Variants in RNH1 observed in about 807,000 individuals in gnomAD.
RNH1 encodes ribonuclease inhibitor.
RNH1 carries 38 observed loss-of-function variants against 46.1 expected under a neutral mutation model. The ratio of observed to expected loss-of-function variants is 0.82; its 90% CI spans 0.64 to 1.08. The LOEUF (loss-of-function observed/expected upper bound fraction) is 1.08. Ranked by LOEUF, RNH1 falls within the 50% of genes least tolerant of loss-of-function variation. The pLI is 0.00. For missense variants in RNH1, 577 were observed against 590.7 expected (o/e 0.98, Z 0.24); for synonymous variants, 319 against 279.1 (o/e 1.14, Z -1.43).
Position 494,623 on chromosome 11 carries a change from C to T in RNH1, c.*68G>A. ...TAGGATATGCAGGGTGAGAGCATGG[C>T]AGGGGCTGGTGGGCCCCAGGGTTGC... On this transcript the variant is annotated 3_prime_UTR_variant, in exon 11 of 11. Coordinates refer to ENST00000354420, the MANE Select transcript of RNH1 (RefSeq NM_203387.3). 7.3e-7 allele frequency: 1 copy of T among 1,364,080 alleles called. No individual in the cohort carries two copies. Among genetic ancestry groups the T allele is most frequent in the Non-Finnish European group, 1.0e-6 (1 of 958,634 alleles). The allele number at this position is 1,364,080 out of a possible 1,614,324, so 84.5% of individuals were successfully genotyped here.
At position 501,841 on chromosome 11, in the gene RNH1, G is replaced by GCCCACCTCGGCCCA; in HGVS notation, c.101+220_101+221insTGGGCCGAGGTGGG. On this transcript the variant is annotated intron_variant, in intron 3 of 10. Coordinates refer to ENST00000354420, the MANE Select transcript of RNH1 (RefSeq NM_203387.3). This position sits in a 1 kb window ranked among gnomAD's most constrained non-coding sequence, Gnocchi z 4.1. ...GGCCAGTGGCCGCCCACCTCGGCCC[G>GCCCACCTCGGCCCA]CCCACCTCAGCCCATGCTGCATGAG... 1.8e-6 allele frequency: 1 copy of GCCCACCTCGGCCCA among 559,312 alleles called. No homozygotes were observed. Among genetic ancestry groups the GCCCACCTCGGCCCA allele is most frequent in the Admixed American group, 3.1e-5 (1 of 32,208 alleles). The allele number at this position is 559,312 out of a possible 1,614,324, so 34.6% of individuals were successfully genotyped here.
rs554318166 is a variant in RNH1 at position 500,316 on chromosome 11, C to T, written c.272+168G>A. The T allele has an allele frequency of 5.6e-5, 47 of 839,816 alleles. 1 individual carries two copies. The highest frequency in any genetic ancestry group is 4.1e-4 in the South Asian group (24 of 58,560). 52.0% of individuals were successfully genotyped at this position (839,816 alleles called of 1,614,324 possible). A position where few individuals can be genotyped will look rare whatever the true frequency, so the allele number is the denominator to read the frequency against. The stretch of plus-strand genomic sequence containing the variant: ...AAGGCAGGAAGGGCCCTGTCCCCCC[C>T]GCTGTGAGACCGCCAGGCCTGTGTG... On this transcript the variant is annotated intron_variant, in intron 4 of 10. Transcript: ENST00000354420.
chr11:496,300 G>A (rs1214891737), intron 9 of RNH1, among the ~76,000 whole-genome samples: 2 of 152,192 alleles, frequency 1.3e-5, no homozygotes, highest in East Asian at 1.9e-4. Flanking sequence ...TTGGGAGGCT[G>A]AGGCAGGCTC....
At chr11:495,490 G>A (rs905368107) in intron 9 of RNH1, among the ~76,000 whole-genome samples, 1 of 152,186 alleles carries the variant, frequency 6.6e-6, no homozygotes, top group Non-Finnish European at 1.5e-5. Flanking sequence ...TCCAGAGAGA[G>A]ACAAGAGAAC....
chr11:507,191 G>A lies in RNH1; in HGVS notation c.-339C>T, dbSNP rs539584819. 3 of 152,284 alleles carry A rather than the reference G, an allele frequency of 2.0e-5. No homozygotes were observed. The highest frequency in any genetic ancestry group is 1.3e-4 in the Admixed American group (2 of 15,302). 9.4% of individuals were successfully genotyped at this position (152,284 alleles called of 1,614,324 possible). On this transcript the variant is annotated 5_prime_UTR_variant, in exon 1 of 11. Transcript: ENST00000354420. ...TACTTCGTTCTCGAGCCAGCAGAAC[G>A]GGTTGAACGTGTCGACAACCCCACC...
chr11:500,311 C>G, intron 4 of RNH1, 173 bp downstream of exon 4: 1 of 809,356 alleles, frequency 1.2e-6, no homozygotes, highest in Non-Finnish European at 1.9e-6. Flanking sequence ...GGGCCCTGTC[C>G]CCCCCGCTGT....
In RNH1 at chr11:501,051, C is replaced by T. The variant is rs1472851402; in HGVS notation, c.102-397G>A. On this transcript the variant is annotated intron_variant, in intron 3 of 10. Transcript: ENST00000354420. This position sits in a 1 kb window ranked among gnomAD's most constrained non-coding sequence, Gnocchi z 4.1. ...GCTGAGGCAGGAGGATCACTTGAGC[C>T]CAGGAGGTTGAGGCCGCATAAGCCA... 3 of 358,042 alleles carry T rather than the reference C, an allele frequency of 8.4e-6. No homozygotes were observed. The highest frequency in any genetic ancestry group is 6.5e-5 in the South Asian group (3 of 46,462). 22.2% of individuals were successfully genotyped at this position (358,042 alleles called of 1,614,324 possible). A position where few individuals can be genotyped will look rare whatever the true frequency, so the allele number is the denominator to read the frequency against.
intron 8 of RNH1, 121 bp downstream of exon 8, chr11:498,336 A>T: frequency 6.5e-6 from 9 of 1,387,460 alleles, no homozygotes; most frequent in Non-Finnish European, 4.9e-6. Context: ...TGGCCTATGC[A>T]TTCTGAAGGT....
chr11:498,158 G>C lies in RNH1; in HGVS notation c.957-17C>G. On this transcript the variant is annotated splice_polypyrimidine_tract_variant and intron_variant, in intron 8 of 10. Transcript: ENST00000354420. ...GACTTCACCCTGTGGACACAGACAG[G>C]ACTGACGCCTGGCAGGGGCCCAGGC... is the stretch of plus-strand genomic sequence containing the variant. 2 of 1,605,238 alleles carry C rather than the reference G, an allele frequency of 1.2e-6. No homozygotes were observed. Among genetic ancestry groups the C allele is most frequent in the Non-Finnish European group, 8.5e-7 (1 of 1,175,070 alleles).
intron 5 of RNH1, chr11:499,480 T>C (rs892670794): frequency 1.4e-6 from 1 of 692,262 alleles, no homozygotes; most frequent in Non-Finnish European, 2.6e-6. Context: ...TCCCAGGCTG[T>C]GGTCAACTCA....
chr11:498,850 G>A lies in RNH1; in HGVS notation c.698C>T (p.Ala233Val). 1 of 1,611,478 alleles carries A rather than the reference G, an allele frequency of 6.2e-7. No homozygotes were observed. ...VASKASLREL[A>V]LGSNKLGDVG... ...ATCACCCAGCTTGTTGCTGCCCAGG[G>A]CCAGCTCCCGCAGCGAGGCCTTGGA... The change falls in exon 7 of 11, where the codon GCC (alanine) becomes GTC (valine). Residue 233 changes from alanine to valine, a missense_variant. Coordinates refer to ENST00000354420, the MANE Select transcript of RNH1 (RefSeq NM_203387.3).
chr11:499,049 G>C lies in RNH1; in HGVS notation c.580C>G (p.Leu194Val), dbSNP rs878990274. Reference sequence around the variant, plus strand: ...TCCAGCTGGCAGGGGGAGTCCTTCAGGCCCTGGCACAGCACACGGACGCCA... The same window carrying C: ...TCCAGCTGGCAGGGGGAGTCCTTCACGCCCTGGCACAGCACACGGACGCCA... ...EAGVRVLCQG[L>V]KDSPCQLEAL... Residue 194 changes from leucine to valine, a missense_variant, in exon 6 of 11, where the codon CTG (leucine) becomes GTG (valine). Coordinates refer to ENST00000354420, the MANE Select transcript of RNH1 (RefSeq NM_203387.3). The C allele has an allele frequency of 3.1e-6, 5 of 1,613,324 alleles. No homozygotes were observed. In the South Asian group the frequency reaches 5.5e-5, roughly 18 times the overall value.
chr11:499,482 G>A (rs769904006), intron 5 of RNH1: 2 of 693,930 alleles, frequency 2.9e-6, no homozygotes, highest in South Asian at 3.0e-5. Context: ...CCAGGCTGTG[G>A]TCAACTCACA....
rs980934330 is a variant in RNH1 at position 499,953 on chromosome 11, T to C, written c.319A>G (p.Ser107Gly). 6.2e-6 allele frequency: 10 copies of C among 1,608,070 alleles called. No homozygotes were observed. Among genetic ancestry groups the C allele is most frequent in the African/African-American group, 5.3e-5 (4 of 74,806 alleles). ...LTGAGCGVLS[S>G]TLRTLPTLQE... is the part of the protein sequence containing the mutation. ...AGGGTGGGCAGGGTGCGTAGTGTGC[T>C]GGACAGGACCCCGCAGCCGGCCCCC... is the stretch of plus-strand genomic sequence containing the variant. The change falls in exon 5 of 11, where the codon AGC (serine) becomes GGC (glycine). Residue 107 changes from serine to glycine, a missense_variant. Coordinates refer to ENST00000354420, the MANE Select transcript of RNH1 (RefSeq NM_203387.3).
chr11:497,990 A>T lies in RNH1; in HGVS notation c.1108T>A (p.Ser370Thr). ...ELCQGLGQPGSVLRVLWLADC... is the reference protein window; with the variant it reads ...ELCQGLGQPGTVLRVLWLADC... ...ACTCACCAGAGCACCCGCAGCACAG[A>T]GCCAGGCTGGCCCAGGCCCTGGCAC... The change falls in exon 9 of 11, where the codon TCT becomes ACT. Residue 370 changes from serine (S) to threonine (T), a missense_variant. Coordinates refer to ENST00000354420, the MANE Select transcript of RNH1 (RefSeq NM_203387.3). 6.2e-7 allele frequency: 1 copy of T among 1,613,858 alleles called. No individual in the cohort carries two copies. The highest frequency in any genetic ancestry group is 8.5e-7 in the Non-Finnish European group (1 of 1,179,876).
chr11:499,978 C>T lies in RNH1; in HGVS notation c.294G>A (p.Thr98=), dbSNP rs914023946. Residue 98 remains threonine, a synonymous_variant, in exon 5 of 11, where the codon ACG becomes ACA. Coordinates refer to ENST00000354420, the MANE Select transcript of RNH1 (RefSeq NM_203387.3). ...QKLSLQNCCL[T]GAGCGVLSST... is the part of the protein sequence containing the mutation. The stretch of plus-strand genomic sequence containing the variant: ...TGGACAGGACCCCGCAGCCGGCCCC[C>T]GTCAGGCAGCAGTTCTGGAGGCTGG... 2 of 1,581,226 alleles carry T rather than the reference C, an allele frequency of 1.3e-6. No homozygotes were observed. Among genetic ancestry groups the T allele is most frequent in the African/African-American group, 1.3e-5 (1 of 74,322 alleles).
chr11:496,192 C>A (rs1467565890), intron 9 of RNH1, among the ~76,000 whole-genome samples: 1 of 152,146 alleles, frequency 6.6e-6, no homozygotes, highest in Non-Finnish European at 1.5e-5. Flanking sequence ...CATGGAACCC[C>A]TAACACAGTG....
rs1849770870 is a variant in RNH1 at position 501,781 on chromosome 11, G to A, written c.101+281C>T. ...CCTGCCCTCGTGTCTCCAAGGGAGG[G>A]AGAGGAGCTGAGACACCGGAGCCAG... On this transcript the variant is annotated intron_variant, in intron 3 of 10. Coordinates refer to ENST00000354420, the MANE Select transcript of RNH1 (RefSeq NM_203387.3). The surrounding 1 kb of genome is among the most constrained non-coding windows in gnomAD (Gnocchi z 4.1). 4.1e-6 allele frequency: 2 copies of A among 487,942 alleles called. No homozygotes were observed. The highest frequency in any genetic ancestry group is 1.9e-5 in the African/African-American group (1 of 51,892). 30.2% of individuals were successfully genotyped at this position (487,942 alleles called of 1,614,324 possible).
chr11:500,204 A>G, intron 4 of RNH1: 1 of 681,150 alleles, frequency 1.5e-6, no homozygotes, highest in Middle Eastern at 4.1e-4. Context: ...CCTTGTCTGC[A>G]GACACACCTT....
Sources: allele counts gnomAD v4.1 joint callset (sites outside exome capture counted in the v4.1 genomes callset), GRCh38; gene constraint gnomAD v4.1.1; non-coding constraint Gnocchi (gnomAD v3.1); transcripts MANE v1.5; gene names NCBI Gene and HGNC (gene_info 2026-07-23, HGNC 2026-07-21).